The following ATRNL1 variants were observed in gnomAD, a reference collection of about 807,000 sequenced individuals.
The protein encoded by ATRNL1 is attractin-like protein 1.
A neutral mutation model predicts 182.7 loss-of-function variants in ATRNL1; 95 were observed. The observed-to-expected ratio is 0.52, with a 90% CI of 0.44 to 0.62. ATRNL1 has a LOEUF of 0.62. Among genes scored for constraint, ATRNL1 ranks in the 20% least tolerant of loss-of-function variants. The probability of loss-of-function intolerance (pLI) is 0.00; values close to 1 mark genes in which losing one functional copy is unlikely to be tolerated. For synonymous variants in ATRNL1, 576 were observed against 568.3 expected, an observed-to-expected ratio of 1.01 and a Z score of -0.19; for missense variants, 1,471 against 1,679.5, an observed-to-expected ratio of 0.88 and a Z score of 2.17.
intron 20 of ATRNL1, among the ~76,000 whole-genome samples, chr10:115,398,031 T>C (rs1242827393): frequency 1.3e-5 from 2 of 151,950 alleles, no homozygotes; most frequent in South Asian, 4.1e-4. Flanking sequence ...GGATTAGGTA[T>C]ACACTGTCAA....
intron 7 of ATRNL1, among the ~76,000 whole-genome samples, chr10:115,166,691 G>A (rs1434124313): frequency 1.3e-5 from 2 of 151,858 alleles, no homozygotes. Flanking sequence ...TTGGCTATTT[G>A]TATATCCTCT....
chr10:115,540,753 G>C (rs1307708209), intron 25 of ATRNL1, among the ~76,000 whole-genome samples: 1 of 88,772 alleles, frequency 1.1e-5, no homozygotes, highest in African/African-American at 5.3e-5. Flanking sequence ...GCAAAACTCC[G>C]TCTAAAAAAA....
intron 26 of ATRNL1, among the ~76,000 whole-genome samples, chr10:115,638,529 G>T (rs1859037191): frequency 1.3e-5 from 2 of 152,236 alleles, no homozygotes; most frequent in Non-Finnish European, 2.9e-5. Context: ...AGTAGTTAGT[G>T]GTTTCAGACA....
chr10:115,886,014 T>C (rs1951936499), intron 28 of ATRNL1, among the ~76,000 whole-genome samples: 1 of 152,238 alleles, frequency 6.6e-6, no homozygotes, highest in Non-Finnish European at 1.5e-5. Flanking sequence ...GCATCTGTAT[T>C]CACAGTGTGC....
Position 115,121,817 on chromosome 10 carries a change from G to C in ATRNL1, c.491+5G>C, listed in dbSNP as rs1163026975. The C allele has an allele frequency of 7.5e-7, 1 of 1,341,980 alleles. No individual in the cohort carries two copies. The highest frequency in any genetic ancestry group is 1.0e-6 in the Non-Finnish European group (1 of 963,474). The allele number at this position is 1,341,980 out of a possible 1,614,324, so 83.1% of individuals were successfully genotyped here. A position where few individuals can be genotyped will look rare whatever the true frequency, so the allele number is the denominator to read the frequency against. ...ACCTTTAATAGCTGTACTTAGGTGA[G>C]TAATTATATTTAATCAGTTGCAGAA... On this transcript the variant is annotated splice_donor_5th_base_variant and intron_variant, in intron 3 of 28. Coordinates refer to ENST00000355044, the MANE Select transcript of ATRNL1 (RefSeq NM_207303.4).
chr10:115,614,665 T>G (rs1197877005), intron 26 of ATRNL1, among the ~76,000 whole-genome samples: 1 of 152,122 alleles, frequency 6.6e-6, no homozygotes, highest in Non-Finnish European at 1.5e-5. Context: ...TATATTGGTC[T>G]TTGATTAATA....
Position 115,519,266 on chromosome 10 carries a change from G to A in ATRNL1, c.3658G>A (p.Ala1220Thr). Residue 1220 changes from alanine (A) to threonine (T), a missense_variant, in exon 25 of 29, where the codon GCA (alanine) becomes ACA (threonine). Coordinates refer to ENST00000355044, the MANE Select transcript of ATRNL1 (RefSeq NM_207303.4). The stretch of plus-strand genomic sequence containing the variant: ...TTTTTTTATTTTGATTTTTCAGATT[G>A]CATTCTCACAACACAATACAATCAT... The part of the protein sequence containing the change: ...NFSWPIKIQI[A>T]FSQHNTIMDL... The A allele has an allele frequency of 1.9e-6, 3 of 1,609,056 alleles. No individual in the cohort carries two copies. Among genetic ancestry groups the A allele is most frequent in the Non-Finnish European group, 2.5e-6 (3 of 1,177,706 alleles).
intron 21 of ATRNL1, among the ~76,000 whole-genome samples, chr10:115,459,056 A>G (rs1847668257): frequency 6.6e-6 from 1 of 152,282 alleles, no homozygotes; most frequent in African/African-American, 2.4e-5. Context: ...CATAAATTGT[A>G]AAGATTTCAT....
At chr10:115,538,225 G>T (rs1554991034) in intron 25 of ATRNL1, among the ~76,000 whole-genome samples, 1 of 152,272 alleles carries the variant, frequency 6.6e-6, no homozygotes, top group Non-Finnish European at 1.5e-5. Flanking sequence ...AGGAAGTAGG[G>T]TTGCTGGGTC....
chr10:115,937,797 G>T (rs114560365), intron 28 of ATRNL1, among the ~76,000 whole-genome samples: 1,845 of 152,260 alleles, frequency 0.012, 47 homozygotes, highest in African/African-American at 0.042. Flanking sequence ...AGGTTTAAAA[G>T]AACTACAAAT....
At position 115,945,876 on chromosome 10, in the gene ATRNL1, A is replaced by G. The variant is rs1953866172; in HGVS notation, c.*1097A>G. On this transcript the variant is annotated 3_prime_UTR_variant, in exon 29 of 29. Transcript: ENST00000355044. ...TCTTCTTCCCAACACGAGCGCATCCATGTCCTGAGAAAAAGTCTGTGGTTT... is the reference window on the plus strand; with the variant it reads ...TCTTCTTCCCAACACGAGCGCATCCGTGTCCTGAGAAAAAGTCTGTGGTTT... The G allele has an allele frequency of 6.6e-6, 1 of 152,212 alleles. No individual in the cohort carries two copies. The highest frequency in any genetic ancestry group is 1.5e-5 in the Non-Finnish European group (1 of 68,040). The allele number at this position is 152,212 out of a possible 1,614,324, so 9.4% of individuals were successfully genotyped here.
At chr10:115,685,738 T>C (rs1030758039) in intron 26 of ATRNL1, among the ~76,000 whole-genome samples, 2 of 151,868 alleles carry the variant, frequency 1.3e-5, no homozygotes, top group Admixed American at 1.3e-4. Flanking sequence ...GTATTTTTAT[T>C]TGATGATTTT....
At chr10:115,622,913 C>T (rs564080361) in intron 26 of ATRNL1, among the ~76,000 whole-genome samples, 5 of 151,592 alleles carry the variant, frequency 3.3e-5, no homozygotes, top group Admixed American at 3.3e-4. Context: ...GGTGACAGAG[C>T]GAGACTGTGT....
rs59256867 is a variant in ATRNL1 at position 115,403,257 on chromosome 10, C to CTTTTTTTTTTTTTTTTTTTTTTTTTTTT, written c.3269+8524_3269+8525insTTTTTTTTTTTTTTTTTTTTTTTTTTTT. 1.0e-4 allele frequency among the ~76,000 whole-genome samples: 11 copies of CTTTTTTTTTTTTTTTTTTTTTTTTTTTT among 107,436 alleles called. 2 individuals carry two copies. Among genetic ancestry groups the CTTTTTTTTTTTTTTTTTTTTTTTTTTTT allele is most frequent in the African/African-American group, 5.4e-4 (11 of 20,396 alleles). 70.5% of individuals were successfully genotyped at this position (107,436 alleles called of 152,430 possible). ...CTTTATTTTTCCTAATTACTCTCATCTTTTTTTTTTTTTTTTTTTAGTCTG... is the reference window on the plus strand; with the variant it reads ...CTTTATTTTTCCTAATTACTCTCATCTTTTTTTTTTTTTTTTTTTTTTTTTTTTTTTTTTTTTTTTTTTTTTTAGTCTG... On this transcript the variant is annotated intron_variant, in intron 20 of 28. Coordinates refer to ENST00000355044, the MANE Select transcript of ATRNL1 (RefSeq NM_207303.4).
rs559554606 is a variant in ATRNL1, at chr10:115,728,706, G to A, written c.3903+1351G>A. Among the ~76,000 whole-genome samples the A allele has an allele frequency of 1.6e-4, 24 of 152,198 alleles. No individual in the cohort carries two copies. In the South Asian group the frequency reaches 5.0e-3, roughly 32 times the overall value. On this transcript the variant is annotated intron_variant, in intron 27 of 28. Transcript: ENST00000355044. ...GTTTTTAGAGGAAATGAAATATTGG[G>A]TGCATGTTTCCCTATGATTTTTAAG...
chr10:115,508,957 A>T (rs1850252818), intron 24 of ATRNL1, among the ~76,000 whole-genome samples: 1 of 152,088 alleles, frequency 6.6e-6, no homozygotes, highest in African/African-American at 2.4e-5. Context: ...TAAATGCTTG[A>T]CATCAAAATT....
At chr10:115,267,206 T>C (rs782678332) in intron 12 of ATRNL1, among the ~76,000 whole-genome samples, 1 of 150,730 alleles carries the variant, frequency 6.6e-6, no homozygotes, top group Non-Finnish European at 1.5e-5. Context: ...ATTTTTGAAA[T>C]CTGTATATAT....
At chr10:115,109,715 A>G (rs1554867355) in intron 1 of ATRNL1, among the ~76,000 whole-genome samples, 1 of 152,102 alleles carries the variant, frequency 6.6e-6, no homozygotes, top group East Asian at 1.9e-4. Context: ...TCTGTCTGAG[A>G]TCTCCTCAGA....
chr10:115,800,572 A>G (rs1489275482), intron 27 of ATRNL1, among the ~76,000 whole-genome samples: 1 of 152,128 alleles, frequency 6.6e-6, no homozygotes, highest in Non-Finnish European at 1.5e-5. Flanking sequence ...TTATCTCTGC[A>G]CCTGCCCTGC....
Sources: allele counts gnomAD v4.1 joint callset (sites outside exome capture counted in the v4.1 genomes callset), GRCh38; gene constraint gnomAD v4.1.1; transcripts MANE v1.5; gene names NCBI Gene and HGNC (gene_info 2026-07-23, HGNC 2026-07-21).